The following EEF1E1 variants were observed in gnomAD, a reference collection of about 807,000 sequenced individuals.
EEF1E1 encodes eukaryotic translation elongation factor 1 epsilon-1.
Under a neutral mutation model 19.9 loss-of-function variants are expected in EEF1E1, and 19 were observed. The ratio of observed to expected loss-of-function variants is 0.95; its 90% confidence interval spans 0.66 to 1.40. EEF1E1 has a LOEUF of 1.40. Ranked by LOEUF, EEF1E1 falls within the 40% of genes most tolerant of loss-of-function variation. EEF1E1 has a pLI of 0.00. For missense variants in EEF1E1, 198 were observed against 202.2 expected, an observed-to-expected ratio of 0.98 and a Z score of 0.13; for synonymous variants, 81 against 80.0, an observed-to-expected ratio of 1.01 and a Z score of -0.07.
intron 3 of EEF1E1, among the ~76,000 whole-genome samples, chr6:8,086,995 A>C (rs1757875296): frequency 6.6e-6 from 1 of 152,164 alleles, no homozygotes; most frequent in Non-Finnish European, 1.5e-5. Flanking sequence ...GGAGCACCTC[A>C]ATGTGGTTTA....
At chr6:8,092,147 C>T (rs1758028151) in intron 2 of EEF1E1, among the ~76,000 whole-genome samples, 1 of 152,136 alleles carries the variant, frequency 6.6e-6, no homozygotes, top group African/African-American at 2.4e-5. Flanking sequence ...TAATCACCCC[C>T]AAAGACCCCA....
chr6:8,088,485 A>G (rs553337261), intron 3 of EEF1E1, among the ~76,000 whole-genome samples: 3 of 152,208 alleles, frequency 2.0e-5, no homozygotes, highest in South Asian at 4.1e-4. Flanking sequence ...GTGATAGTGA[A>G]TAAGTCTCAT....
At chr6:8,099,751 AACACACACAC>A (rs1554099744) in intron 1 of EEF1E1, among the ~76,000 whole-genome samples, 20 of 92,966 alleles carry the variant, frequency 2.2e-4, no homozygotes, top group African/African-American at 7.8e-4. Context: ...CCGCCTCAAA[AACACACACAC>A]ACACACACAC....
chr6:8,094,935 A>T (rs1325378641), intron 2 of EEF1E1, among the ~76,000 whole-genome samples: 2 of 152,234 alleles, frequency 1.3e-5, no homozygotes, highest in African/African-American at 4.8e-5. Flanking sequence ...TTACTTTAAG[A>T]ATACGGTATA....
intron 1 of EEF1E1, 89 bp from the exon 2 acceptor site, chr6:8,097,556 GT>G: frequency 9.6e-7 from 1 of 1,040,460 alleles, no homozygotes; most frequent in Non-Finnish European, 1.4e-6. Context: ...TCCCTCAAGT[GT>G]TTTTTGAAAT....
downstream of EEF1E1, chr6:8,078,671 C>T: frequency 7.8e-7 from 1 of 1,280,316 alleles, no homozygotes; most frequent in East Asian, 5.7e-5. Context: ...CTGACTCAGT[C>T]ACTTCAGAGA....
In EEF1E1 at chr6:8,080,120, AAAC is replaced by A. The variant is rs201043816; in HGVS notation, c.385-93_385-91del. ...ACTTAAGTAGGAGATAGAAGTTGAA[AAAC>A]AACAACATCAATCCCCCAAGAGCTC... On this transcript the variant is annotated intron_variant, in intron 3 of 3. Transcript: ENST00000379715. The A allele has an allele frequency of 2.5e-3, 3,499 of 1,403,934 alleles. 48 individuals carry two copies. The African/African-American group carries it at 0.035, about 14-fold the overall frequency. 87.0% of individuals were successfully genotyped at this position (1,403,934 alleles called of 1,614,324 possible).
At chr6:8,095,434 C>T (rs113910260) in intron 2 of EEF1E1, 23,277 of 358,134 alleles carry the variant, frequency 0.065, 935 homozygotes, top group Non-Finnish European at 0.088. Flanking sequence ...ACCCAGGAGG[C>T]GGAGGTTGCA....
chr6:8,089,975 T>G lies in EEF1E1; in HGVS notation c.384+211A>C, dbSNP rs1018436954. 7.5e-6 allele frequency: 3 copies of G among 401,036 alleles called. No individual in the cohort carries two copies. The South Asian group carries it at 4.2e-4, about 56-fold the overall frequency. 24.8% of individuals were successfully genotyped at this position (401,036 alleles called of 1,614,324 possible). ...AATCTGATTTAAATTCAAGACAAAG[T>G]TTTTTTAAATTTTATTATTATTATA... On this transcript the variant is annotated intron_variant, in intron 3 of 3. Transcript: ENST00000379715.
At chr6:8,085,099 TA>T (rs1271581189) in intron 3 of EEF1E1, among the ~76,000 whole-genome samples, 3 of 152,186 alleles carry the variant, frequency 2.0e-5, no homozygotes, top group Non-Finnish European at 2.9e-5. Context: ...ACTACAGAGA[TA>T]AAAAATCTGA....
intron 1 of EEF1E1, among the ~76,000 whole-genome samples, chr6:8,099,324 T>C (rs1758258271): frequency 6.6e-6 from 1 of 152,242 alleles, no homozygotes. Flanking sequence ...GCATAAATAC[T>C]TACCATTGTG....
chr6:8,084,928 G>C (rs1012695606), intron 3 of EEF1E1, among the ~76,000 whole-genome samples: 1 of 151,992 alleles, frequency 6.6e-6, no homozygotes, highest in South Asian at 2.1e-4. Context: ...GGCTTTTTTT[G>C]TTTTGAAATG....
intron 3 of EEF1E1, among the ~76,000 whole-genome samples, chr6:8,083,581 T>C (rs1757773483): frequency 6.6e-6 from 1 of 152,182 alleles, no homozygotes; most frequent in Admixed American, 6.5e-5. Flanking sequence ...GGCAACATAA[T>C]ATTCCTCAAA....
chr6:8,073,399 T>A, exon 4 of EEF1E1: 1 of 1,258,460 alleles, frequency 7.9e-7, no homozygotes, highest in South Asian at 1.7e-5. Flanking sequence ...TGTAGAGTAG[T>A]TTACAGGTAA....
At chr6:8,077,210 T>A (rs1337991018), downstream of EEF1E1, among the ~76,000 whole-genome samples, 1 of 152,224 alleles carries the variant, frequency 6.6e-6, no homozygotes, top group Admixed American at 6.5e-5. Context: ...CCCAAAGTGC[T>A]GGGATTACAA....
chr6:8,101,243 A>AAAAAAATATAT (rs1271033598), intron 1 of EEF1E1, among the ~76,000 whole-genome samples: 15 of 58,468 alleles, frequency 2.6e-4, no homozygotes, highest in African/African-American at 4.7e-4. Flanking sequence ...AAAAAAAAAA[A>AAAAAAATATAT]ATATATATAT....
intron 3 of EEF1E1, 109 bp from the exon 4 acceptor site, chr6:8,080,139 C>T (rs1162095361): frequency 4.8e-6 from 6 of 1,247,536 alleles, no homozygotes; most frequent in South Asian, 2.7e-5. Flanking sequence ...CATCAATCCC[C>T]CAAGAGCTCT....
In EEF1E1 at chr6:8,082,467, C is replaced by T. The variant is rs138923062; in HGVS notation, c.385-2437G>A. Among the ~76,000 whole-genome samples the T allele has an allele frequency of 7.8e-3, 1,191 of 152,146 alleles. 15 individuals are homozygous for T. The highest frequency in any genetic ancestry group is 0.027 in the African/African-American group (1,104 of 41,514). ...TAATTTTTTGTACTTTTAGTAGAGA[C>T]GTGGTTTTGCCATGTTGGCCAGGCT... On this transcript the variant is annotated intron_variant, in intron 3 of 3. Coordinates refer to ENST00000379715, the MANE Select transcript of EEF1E1 (RefSeq NM_004280.5).
chr6:8,075,178 G>A (rs1329760891), downstream of EEF1E1, among the ~76,000 whole-genome samples: 1 of 152,058 alleles, frequency 6.6e-6, no homozygotes, highest in Non-Finnish European at 1.5e-5. Flanking sequence ...TAGCATGAAA[G>A]GTACACAGAC....
Sources: gnomAD v4.1 joint callset for allele counts (sites outside exome capture counted in the v4.1 genomes callset) on GRCh38, gnomAD v4.1.1 for gene constraint, MANE v1.5 for transcripts, NCBI Gene and HGNC (gene_info 2026-07-23, HGNC 2026-07-21) for gene names.